Variants in INSL6 observed in about 807,000 individuals in gnomAD.
INSL6 encodes insulin like 6.
INSL6 carries 16 observed loss-of-function variants against 9.4 expected under a neutral mutation model. The observed-to-expected ratio is 1.70, with a 90% CI of 1.15 to 2.59. The LOEUF is 2.59. Among genes scored for constraint, INSL6 ranks in the 30% most tolerant of loss-of-function variants. The pLI is 0.00. For synonymous variants in INSL6, 154 were observed against 96.9 expected, an observed-to-expected ratio of 1.59 and a Z score of -3.46; for missense variants, 391 against 257.3, an observed-to-expected ratio of 1.52 and a Z score of -3.56.
the INSL6 span, among the ~76,000 whole-genome samples, chr9:5,003,053 T>C: frequency 2.0e-5 from 3 of 152,000 alleles, no homozygotes; most frequent in African/African-American, 7.2e-5. Context: ...TGTATGTGAG[T>C]ATGTTTTTTT....
the INSL6 span, chr9:5,022,175 T>C: frequency 1.9e-6 from 3 of 1,614,202 alleles, no homozygotes; most frequent in Admixed American, 1.7e-5. Flanking sequence ...GGGGAGTATG[T>C]TGCAGAAGAA....
chr9:5,164,916 T>G (rs544638293), intron 1 of INSL6, among the ~76,000 whole-genome samples: 2 of 152,232 alleles, frequency 1.3e-5, no homozygotes, highest in South Asian at 4.1e-4. Flanking sequence ...TCATTATGAA[T>G]AGTGCTGATG....
chr9:5,112,491 C>T, the INSL6 span: 6 of 552,952 alleles, frequency 1.1e-5, no homozygotes, highest in Admixed American at 5.6e-5. Flanking sequence ...CAGACAAGGA[C>T]GAGGAGGAAG....
the INSL6 span, among the ~76,000 whole-genome samples, chr9:5,075,370 C>G: frequency 3.6e-3 from 552 of 152,294 alleles, 3 homozygotes; most frequent in Non-Finnish European, 5.8e-3. Context: ...GAGGAGAAGT[C>G]AGTGCTTGCC....
chr9:5,072,887 A>T, the INSL6 span, among the ~76,000 whole-genome samples: 1 of 152,056 alleles, frequency 6.6e-6, no homozygotes, highest in Non-Finnish European at 1.5e-5. Context: ...TGTGGCCTTG[A>T]TTTTCAAACT....
chr9:5,126,218 A>G (rs1307613898), intron 3 of INSL6: 2 of 646,502 alleles, frequency 3.1e-6, no homozygotes, highest in East Asian at 2.8e-5. Flanking sequence ...AAAAGGTTTG[A>G]AAACATACAA....
At chr9:5,034,350 A>T in the INSL6 span, among the ~76,000 whole-genome samples, 6,565 of 152,256 alleles carry the variant, frequency 0.043, 470 homozygotes, top group African/African-American at 0.15. Flanking sequence ...AAAGTTAACA[A>T]GGATATCCAG....
At chr9:5,086,419 C>T in the INSL6 span, among the ~76,000 whole-genome samples, 1 of 152,204 alleles carries the variant, frequency 6.6e-6, no homozygotes, top group East Asian at 1.9e-4. Flanking sequence ...GATCTTAGTG[C>T]GACTACTTTG....
intron 2 of INSL6, among the ~76,000 whole-genome samples, chr9:5,149,313 G>A (rs1472527247): frequency 6.6e-6 from 1 of 152,136 alleles, no homozygotes; most frequent in Non-Finnish European, 1.5e-5. Flanking sequence ...TTCACCTTCA[G>A]TGTTTTCTTT....
At chr9:5,087,718 A>G in the INSL6 span, among the ~76,000 whole-genome samples, 1 of 152,210 alleles carries the variant, frequency 6.6e-6, no homozygotes, top group Non-Finnish European at 1.5e-5. Context: ...GGAACATCAA[A>G]TGGTAACCAC....
At chr9:5,179,745 C>A (rs556461521) in intron 1 of INSL6, among the ~76,000 whole-genome samples, 1 of 152,134 alleles carries the variant, frequency 6.6e-6, no homozygotes, top group Non-Finnish European at 1.5e-5. Context: ...AATGCAGGAA[C>A]AGAAACCAAA....
At chr9:5,090,689 A>C in the INSL6 span, 16 of 1,544,622 alleles carry the variant, frequency 1.0e-5, no homozygotes, top group South Asian at 5.0e-5. Context: ...AGACCATTTA[A>C]ATTGTTTATA....
chr9:4,997,952 TTAAA>T, the INSL6 span, among the ~76,000 whole-genome samples: 84 of 152,304 alleles, frequency 5.5e-4, 1 homozygote, highest in South Asian at 0.017. Context: ...ATGATAATCT[TTAAA>T]TAATTATTTC....
At chr9:5,044,707 A>G in the INSL6 span, among the ~76,000 whole-genome samples, 1 of 151,664 alleles carries the variant, frequency 6.6e-6, no homozygotes, top group African/African-American at 2.4e-5. Context: ...TATGGATAAT[A>G]GAATCTATTT....
intron 2 of INSL6, among the ~76,000 whole-genome samples, chr9:5,135,728 C>G (rs1824376743): frequency 6.6e-6 from 1 of 151,784 alleles, no homozygotes; most frequent in South Asian, 2.1e-4. Context: ...GAAACAAGAG[C>G]AAACAAATTT....
chr9:5,154,707 A>G (rs1216501419), intron 2 of INSL6, among the ~76,000 whole-genome samples: 2 of 152,242 alleles, frequency 1.3e-5, no homozygotes, highest in Non-Finnish European at 2.9e-5. Flanking sequence ...TTATGCAGCC[A>G]AAAGACACAT....
At chr9:5,012,291 C>G in the INSL6 span, among the ~76,000 whole-genome samples, 2 of 152,144 alleles carry the variant, frequency 1.3e-5, no homozygotes, top group African/African-American at 4.8e-5. Flanking sequence ...GTGTATTCCC[C>G]TTCTTTCAAG....
chr9:5,051,677 A>G, the INSL6 span, among the ~76,000 whole-genome samples: 1 of 152,164 alleles, frequency 6.6e-6, no homozygotes, highest in African/African-American at 2.4e-5. Flanking sequence ...GCAAATATGT[A>G]TTTTATATAT....
At chr9:5,161,553 TG>T (rs1209514016), downstream of INSL6, among the ~76,000 whole-genome samples, 2 of 152,184 alleles carry the variant, frequency 1.3e-5, no homozygotes, top group African/African-American at 4.8e-5. Context: ...CTTTCACTAC[TG>T]TTATTCAACA....
Sources: allele counts gnomAD v4.1 joint callset (sites outside exome capture counted in the v4.1 genomes callset), GRCh38; gene constraint gnomAD v4.1.1; transcripts MANE v1.5; gene names NCBI Gene and HGNC (gene_info 2026-07-23, HGNC 2026-07-21).